Variants in KLF12 observed in about 807,000 individuals in gnomAD.
KLF12 encodes the protein Krueppel-like factor 12.
KLF12 carries 9 observed loss-of-function variants against 37.8 expected under a neutral mutation model. That is an observed-to-expected ratio of 0.24 (90% CI 0.14 to 0.42). The LOEUF (loss-of-function observed/expected upper bound fraction) is 0.42, where lower values mean the gene tolerates loss of function less well. KLF12 is among the 10% of genes least tolerant of loss of function. The probability of loss-of-function intolerance (pLI) is 1.00; values close to 1 mark genes in which losing one functional copy is unlikely to be tolerated. For missense variants in KLF12, 411 were observed against 516.0 expected, an observed-to-expected ratio of 0.80 and a Z score of 1.97; for synonymous variants, 208 against 202.1, an observed-to-expected ratio of 1.03 and a Z score of -0.25.
intron 5 of KLF12, among the ~76,000 whole-genome samples, chr13:73,767,526 C>T (rs1879997226): frequency 6.6e-6 from 1 of 152,194 alleles, no homozygotes; most frequent in South Asian, 2.1e-4. Context: ...TGTTGTGTAA[C>T]ATGTATTGAA....
chr13:74,201,886 A>G, the KLF12 span, among the ~76,000 whole-genome samples: 4 of 152,142 alleles, frequency 2.6e-5, no homozygotes, highest in African/African-American at 9.7e-5. Context: ...AGAATAACAG[A>G]AAGGGTTTCC....
At chr13:74,215,537 T>C in the KLF12 span, among the ~76,000 whole-genome samples, 1 of 151,770 alleles carries the variant, frequency 6.6e-6, no homozygotes, top group African/African-American at 2.4e-5. Flanking sequence ...AAATTTCTGA[T>C]GATGTTTAAA....
At chr13:73,710,039 A>C (rs1875247937) in intron 7 of KLF12, among the ~76,000 whole-genome samples, 1 of 152,156 alleles carries the variant, frequency 6.6e-6, no homozygotes, top group Non-Finnish European at 1.5e-5. Context: ...ATATAGAATA[A>C]TTATTTCTTA....
chr13:73,759,581 A>G (rs1879413810), intron 6 of KLF12, among the ~76,000 whole-genome samples: 1 of 152,148 alleles, frequency 6.6e-6, no homozygotes, highest in African/African-American at 2.4e-5. Context: ...TGAATTAAAC[A>G]TTCACATTTC....
the KLF12 span, among the ~76,000 whole-genome samples, chr13:74,263,912 G>T: frequency 6.6e-6 from 1 of 152,104 alleles, no homozygotes; most frequent in East Asian, 1.9e-4. Context: ...TATTTTGGGT[G>T]CTTTATAGCC....
chr13:73,946,355 C>G (rs1382314577), intron 2 of KLF12, among the ~76,000 whole-genome samples: 1 of 152,170 alleles, frequency 6.6e-6, no homozygotes, highest in African/African-American at 2.4e-5. Context: ...ATACTTTAAC[C>G]ATTTTCCCCA....
the KLF12 span, among the ~76,000 whole-genome samples, chr13:74,166,603 C>T: frequency 6.6e-6 from 1 of 152,016 alleles, no homozygotes; most frequent in African/African-American, 2.4e-5. Flanking sequence ...TAAGTTCTCC[C>T]GATGTCATTT....
intron 6 of KLF12, among the ~76,000 whole-genome samples, chr13:73,754,485 A>C (rs2137998755): frequency 6.6e-6 from 1 of 152,250 alleles, no homozygotes; most frequent in Non-Finnish European, 1.5e-5. Context: ...AGCATCAGCC[A>C]CACAATTTGA....
the KLF12 span, among the ~76,000 whole-genome samples, chr13:74,191,142 ACT>A: frequency 6.6e-6 from 1 of 152,092 alleles, no homozygotes; most frequent in Non-Finnish European, 1.5e-5. Context: ...TATATTGTGA[ACT>A]CTCTCTCTAA....
At chr13:73,775,381 T>C (rs1417789484) in intron 5 of KLF12, among the ~76,000 whole-genome samples, 1 of 152,122 alleles carries the variant, frequency 6.6e-6, no homozygotes, top group Non-Finnish European at 1.5e-5. Context: ...GTTGATAAAA[T>C]AATGCTATGG....
intron 1 of KLF12, among the ~76,000 whole-genome samples, chr13:74,052,800 G>T (rs1361598602): frequency 6.6e-6 from 1 of 152,126 alleles, no homozygotes; most frequent in Non-Finnish European, 1.5e-5. Context: ...ATGAAAAGTT[G>T]AAGGGCAACT....
At chr13:74,151,067 T>G in the KLF12 span, among the ~76,000 whole-genome samples, 28 of 152,352 alleles carry the variant, frequency 1.8e-4, no homozygotes, top group African/African-American at 6.7e-4. Context: ...TGTCCCTGAT[T>G]ATTAATTTTA....
chr13:74,090,931 G>GGA (rs1875615705), intron 1 of KLF12, among the ~76,000 whole-genome samples: 2 of 138,642 alleles, frequency 1.4e-5, no homozygotes, highest in African/African-American at 5.3e-5. Context: ...AAACTACCTT[G>GGA]AAAAAAAAAA....
the KLF12 span, among the ~76,000 whole-genome samples, chr13:74,211,378 T>A: frequency 6.6e-6 from 1 of 151,904 alleles, no homozygotes; most frequent in South Asian, 2.1e-4. Context: ...GGGAAAGCAT[T>A]TTAGACCTCC....
At chr13:73,809,980 T>C (rs1221763150) in intron 5 of KLF12, among the ~76,000 whole-genome samples, 1 of 152,076 alleles carries the variant, frequency 6.6e-6, no homozygotes, top group Non-Finnish European at 1.5e-5. Context: ...GCGCGGTGGC[T>C]CACACCTGTA....
At chr13:74,118,757 T>A (rs1877455935) in intron 1 of KLF12, among the ~76,000 whole-genome samples, 1 of 152,158 alleles carries the variant, frequency 6.6e-6, no homozygotes. Flanking sequence ...AACATCTTAA[T>A]TGTAAGAGGG....
chr13:74,186,429 A>C, the KLF12 span, among the ~76,000 whole-genome samples: 1 of 152,148 alleles, frequency 6.6e-6, no homozygotes, highest in Admixed American at 6.6e-5. Flanking sequence ...CCTGAGTGAG[A>C]GTCCTCCCCA....
chr13:73,812,108 T>C (rs963255275), intron 5 of KLF12, among the ~76,000 whole-genome samples: 1 of 151,530 alleles, frequency 6.6e-6, no homozygotes, highest in Admixed American at 6.6e-5. Flanking sequence ...ATCTTCAAGA[T>C]TATGTTACTA....
In KLF12 at chr13:73,982,754, A is replaced by C. The variant is rs149835682; in HGVS notation, c.33+12236T>G. Among the ~76,000 whole-genome samples the C allele has an allele frequency of 3.9e-4, 59 of 152,264 alleles. 2 individuals carry two copies. The East Asian group carries it at 0.01, about 26-fold the overall frequency. ...AGCCATGGAGAGTAACTGCTTAGGA[A>C]AATCCCTCTCTTGCCATTTTTCTCA... On this transcript the variant is annotated intron_variant, in intron 2 of 7. Coordinates refer to ENST00000377669, the MANE Select transcript of KLF12 (RefSeq NM_007249.5).
Sources: gnomAD v4.1 joint callset for allele counts (sites outside exome capture counted in the v4.1 genomes callset) on GRCh38, gnomAD v4.1.1 for gene constraint, MANE v1.5 for transcripts, NCBI Gene and HGNC (gene_info 2026-07-23, HGNC 2026-07-21) for gene names.